DZIP1L: variants seen among roughly 807,000 people sequenced by gnomAD.
DZIP1L encodes cilium assembly protein DZIP1L.
Under a neutral mutation model 88.7 loss-of-function variants are expected in DZIP1L, and 90 were observed. The observed-to-expected ratio is 1.02, with a 90% CI of 0.86 to 1.21. The LOEUF (loss-of-function observed/expected upper bound fraction) is 1.21, where lower values mean the gene tolerates loss of function less well. DZIP1L is among the 50% of genes most tolerant of loss of function. The pLI is 0.00. For synonymous variants in DZIP1L, 363 were observed against 372.1 expected, an observed-to-expected ratio of 0.98 and a Z score of 0.28; for missense variants, 932 against 955.8, an observed-to-expected ratio of 0.98 and a Z score of 0.33.
intron 1 of DZIP1L, among the ~76,000 whole-genome samples, chr3:138,110,347 T>C (rs1373528991): frequency 2.6e-5 from 4 of 152,058 alleles, no homozygotes; most frequent in Non-Finnish European, 4.4e-5. Context: ...AAATACCTAA[T>C]GTAAATGACG....
chr3:138,068,346 A>C lies in DZIP1L; in HGVS notation c.1637T>G (p.Leu546Arg), dbSNP rs759399609. 5 of 1,547,246 alleles carry C rather than the reference A, an allele frequency of 3.2e-6. No individual in the cohort carries two copies. Among genetic ancestry groups the C allele is most frequent in the Non-Finnish European group, 4.4e-6 (5 of 1,144,018 alleles). The change falls in exon 13 of 16, where the codon CTG becomes CGG. Residue 546 changes from leucine to arginine, a missense_variant. Coordinates refer to ENST00000327532, the MANE Select transcript of DZIP1L (RefSeq NM_173543.3). Reference sequence around the variant, plus strand: ...CTTTGGCTGGGCCTCTCTGGTGACCAGTGTGCTCTGCTGGCTTTTGACTGG... The same window carrying C: ...CTTTGGCTGGGCCTCTCTGGTGACCCGTGTGCTCTGCTGGCTTTTGACTGG... The part of the protein sequence containing the change: ...QPSVKSQQST[L>R]VTREAQPKTR...
rs190217172 is a variant in DZIP1L at position 138,084,403 on chromosome 3, C to T, written c.1063-150G>A. 7.3e-6 allele frequency: 8 copies of T among 1,096,226 alleles called. 1 individual carries two copies. The highest frequency in any genetic ancestry group is 5.4e-5 in the East Asian group (2 of 37,150). 67.9% of individuals were successfully genotyped at this position (1,096,226 alleles called of 1,614,324 possible). ...CAGGCTTTCTAACAAGACAACCTTC[C>T]AGTCTGGGGACATTTTTGTGCTGTG... On this transcript the variant is annotated intron_variant, in intron 7 of 15. Coordinates refer to ENST00000327532, the MANE Select transcript of DZIP1L (RefSeq NM_173543.3).
At chr3:138,081,466 C>T (rs1365612118) in intron 9 of DZIP1L, among the ~76,000 whole-genome samples, 1 of 152,194 alleles carries the variant, frequency 6.6e-6, no homozygotes, top group African/African-American at 2.4e-5. Context: ...CATGAGCCCC[C>T]ACTCCACCCA....
At chr3:138,100,816 G>A (rs2042278273) in intron 2 of DZIP1L, among the ~76,000 whole-genome samples, 2 of 152,208 alleles carry the variant, frequency 1.3e-5, no homozygotes, top group African/African-American at 4.8e-5. Context: ...ACAGGGCCTA[G>A]CCACCATGAC....
rs114808974 is a variant in DZIP1L at position 138,076,147 on chromosome 3, T to G, written c.1422+1352A>C. 2.9e-3 allele frequency among the ~76,000 whole-genome samples: 444 copies of G among 152,216 alleles called. 3 individuals are homozygous for G. Among genetic ancestry groups the G allele is most frequent in the African/African-American group, 0.01 (431 of 41,526 alleles). On this transcript the variant is annotated intron_variant, in intron 11 of 15. Coordinates refer to ENST00000327532, the MANE Select transcript of DZIP1L (RefSeq NM_173543.3). The stretch of plus-strand genomic sequence containing the variant: ...GACTGTCCTTAAATGAGGAGGGAGC[T>G]TCCCAGAGTGGGGATGGTCAGCATC...
intron 10 of DZIP1L, 114 bp from the exon 11 acceptor site, chr3:138,077,746 A>C: frequency 4.1e-6 from 6 of 1,456,014 alleles, no homozygotes; most frequent in Non-Finnish European, 4.6e-6. Flanking sequence ...CGGTTAACTC[A>C]GGACTTGGAG....
Position 138,063,595 on chromosome 3 carries a change from C to A in DZIP1L, c.2143-618G>T, listed in dbSNP as rs540002736. ...CTGGAGTCCTCAGTGCCCCTGCTGGCCACCTGGGCTTTGATACAAGCCATC... is the reference window on the plus strand; with the variant it reads ...CTGGAGTCCTCAGTGCCCCTGCTGGACACCTGGGCTTTGATACAAGCCATC... On this transcript the variant is annotated intron_variant, in intron 15 of 15. Coordinates refer to ENST00000327532, the MANE Select transcript of DZIP1L (RefSeq NM_173543.3). The surrounding 1 kb of genome is among the most constrained non-coding windows in gnomAD (Gnocchi z 4.1). Among the ~76,000 whole-genome samples, 69 of 152,336 alleles carry A rather than the reference C, an allele frequency of 4.5e-4. No individual in the cohort carries two copies. The highest frequency in any genetic ancestry group is 1.7e-3 in the African/African-American group (69 of 41,584).
Position 138,072,113 on chromosome 3 carries a change from A to G in DZIP1L, c.1423-278T>C, listed in dbSNP as rs1350904842. On this transcript the variant is annotated intron_variant, in intron 11 of 15. Transcript: ENST00000327532. ...CACAATTCTGACCACATCATAGCAT[A>G]AGGGACTTCGTTGGAACATGCTTTT... Among the ~76,000 whole-genome samples the G allele has an allele frequency of 2.0e-5, 3 of 152,224 alleles. No homozygotes were observed. In the East Asian group the frequency reaches 5.8e-4, roughly 29 times the overall value.
chr3:138,100,820 C>G (rs1235175296), intron 2 of DZIP1L, among the ~76,000 whole-genome samples: 1 of 152,210 alleles, frequency 6.6e-6, no homozygotes, highest in African/African-American at 2.4e-5. Flanking sequence ...GGCCTAGCCA[C>G]CATGACAATT....
intron 11 of DZIP1L, among the ~76,000 whole-genome samples, chr3:138,076,770 G>A (rs1372571291): frequency 6.6e-6 from 1 of 152,058 alleles, no homozygotes; most frequent in Admixed American, 6.5e-5. Context: ...GGGCATGGGG[G>A]TGGAGAGGGA....
intron 1 of DZIP1L, among the ~76,000 whole-genome samples, chr3:138,109,457 T>C (rs1251111686): frequency 1.3e-5 from 2 of 152,190 alleles, no homozygotes; most frequent in African/African-American, 4.8e-5. Flanking sequence ...TTTGTTCCAA[T>C]TAAAGGTTGA....
At chr3:138,088,655 C>T in intron 5 of DZIP1L, 148 bp from the exon 6 acceptor site, 4 of 1,309,156 alleles carry the variant, frequency 3.1e-6, no homozygotes, top group Non-Finnish European at 3.9e-6. Flanking sequence ...TACAGATATT[C>T]ACACAAATCA....
intron 15 of DZIP1L, 89 bp downstream of exon 15, chr3:138,064,539 C>A (rs760369232): frequency 6.2e-7 from 1 of 1,613,172 alleles, no homozygotes; most frequent in South Asian, 1.1e-5. Context: ...ACTTGCTGGG[C>A]CCTCCCCAAC....
chr3:138,088,467 T>G lies in DZIP1L; in HGVS notation c.911A>C (p.Lys304Thr). 6 of 1,614,018 alleles carry G rather than the reference T, an allele frequency of 3.7e-6. No homozygotes were observed. Among genetic ancestry groups the G allele is most frequent in the Non-Finnish European group, 5.1e-6 (6 of 1,179,962 alleles). Residue 304 changes from lysine to threonine, a missense_variant, in exon 6 of 16, where the codon AAG becomes ACG. Transcript: ENST00000327532. ...CTCCTCATCTCGCAGTGATCCCAGCTTGGACTCCATCACACTGTGGGACTG... is the reference window on the plus strand; with the variant it reads ...CTCCTCATCTCGCAGTGATCCCAGCGTGGACTCCATCACACTGTGGGACTG... ...ALQSHSVMES[K>T]LGSLRDEESE...
rs750579270 is a variant in DZIP1L at position 138,080,585 on chromosome 3, CCT to C, written c.1268_1269del (p.Glu423GlyfsTer14). ...IHKVPKAVDT[E>X]EDSPEEEMED... Reference sequence around the variant, plus strand: ...GTCCCACCTTCCTCTGGAGAGTCCTCCTCTGTGTCCACAGCCTTTGGCACCTT... The same window carrying C: ...GTCCCACCTTCCTCTGGAGAGTCCTCCTGTGTCCACAGCCTTTGGCACCTT... On this transcript the variant is annotated frameshift_variant, in exon 10 of 16. Coordinates refer to ENST00000327532, the MANE Select transcript of DZIP1L (RefSeq NM_173543.3). LOFTEE classifies it high-confidence loss of function. 2 of 1,613,884 alleles carry C rather than the reference CCT, an allele frequency of 1.2e-6. No homozygotes were observed. The highest frequency in any genetic ancestry group is 1.7e-6 in the Non-Finnish European group (2 of 1,179,866).
At chr3:138,070,081 C>T (rs1236555957) in intron 12 of DZIP1L, among the ~76,000 whole-genome samples, 1 of 152,174 alleles carries the variant, frequency 6.6e-6, no homozygotes, top group Admixed American at 6.5e-5. Flanking sequence ...GATACCTTTG[C>T]TTTCTCTTGG....
intron 1 of DZIP1L, among the ~76,000 whole-genome samples, chr3:138,107,734 C>A (rs74337967): frequency 0.029 from 4,420 of 152,246 alleles, 227 homozygotes; most frequent in African/African-American, 0.1. Flanking sequence ...TTATAGTATG[C>A]CTATGTGGGC....
Position 138,063,108 on chromosome 3 carries a change from G to T in DZIP1L, c.2143-131C>A, listed in dbSNP as rs1394560192. On this transcript the variant is annotated intron_variant, in intron 15 of 15. Coordinates refer to ENST00000327532, the MANE Select transcript of DZIP1L (RefSeq NM_173543.3). The surrounding 1 kb of genome is among the most constrained non-coding windows in gnomAD (Gnocchi z 4.1). ...ATGCAGACTGGGAAGAAAGCAATAG[G>T]GAGATGCTACTCCTCCTGACTTCTC... 12 of 1,005,346 alleles carry T rather than the reference G, an allele frequency of 1.2e-5. No homozygotes were observed. The highest frequency in any genetic ancestry group is 1.6e-5 in the African/African-American group (1 of 62,386). 62.3% of individuals were successfully genotyped at this position (1,005,346 alleles called of 1,614,324 possible).
chr3:138,071,581 G>T (rs1017830288), intron 12 of DZIP1L, 62 bp downstream of exon 12: 7 of 1,543,606 alleles, frequency 4.5e-6, no homozygotes, highest in Non-Finnish European at 6.1e-6. Context: ...GTGCAAACAA[G>T]TTTTGGCAAG....
Sources: gnomAD v4.1 joint callset for allele counts (sites outside exome capture counted in the v4.1 genomes callset) on GRCh38, gnomAD v4.1.1 for gene constraint, Gnocchi (gnomAD v3.1) non-coding constraint, MANE v1.5 for transcripts, NCBI Gene and HGNC (gene_info 2026-07-23, HGNC 2026-07-21) for gene names.